Variants in ROBO1 observed in about 807,000 individuals in gnomAD.
ROBO1 encodes roundabout guidance receptor 1, also known as roundabout homolog 1.
ROBO1 carries 149 observed loss-of-function variants against 195.9 expected under a neutral mutation model. The ratio of observed to expected loss-of-function variants is 0.76; its 90% CI spans 0.67 to 0.87. The LOEUF (loss-of-function observed/expected upper bound fraction) is 0.87. Ranked by LOEUF, ROBO1 falls within the 40% of genes least tolerant of loss-of-function variation. The probability of loss-of-function intolerance (pLI) is 0.00; values close to 1 mark genes in which losing one functional copy is unlikely to be tolerated. For synonymous variants in ROBO1, 816 were observed against 733.2 expected, an observed-to-expected ratio of 1.11 and a Z score of -1.82; for missense variants, 1,933 against 2,068.3, an observed-to-expected ratio of 0.93 and a Z score of 1.27.
At chr3:79,250,737 C>T (rs1490677949) in intron 2 of ROBO1, among the ~76,000 whole-genome samples, 1 of 152,008 alleles carries the variant, frequency 6.6e-6, no homozygotes, top group Non-Finnish European at 1.5e-5. Context: ...TATATAAACC[C>T]TATGGAATAT....
intron 29 of ROBO1, 127 bp downstream of exon 29, chr3:78,606,606 C>T: frequency 1.2e-6 from 1 of 848,660 alleles, no homozygotes. Context: ...CGAGTACATG[C>T]CTATCTCCTC....
intron 2 of ROBO1, among the ~76,000 whole-genome samples, chr3:79,385,153 CT>C (rs71631646): frequency 0.092 from 13,982 of 152,046 alleles, 818 homozygotes; most frequent in South Asian, 0.13. Context: ...AATTTTCATT[CT>C]TTAGGAATTT....
intron 24 of ROBO1, among the ~76,000 whole-genome samples, chr3:78,631,737 G>A (rs1705202046): frequency 6.6e-6 from 1 of 152,076 alleles, no homozygotes; most frequent in Admixed American, 6.6e-5. Flanking sequence ...TATATAATTT[G>A]TACTTGTCCA....
chr3:79,417,480 T>A (rs1034276295), intron 2 of ROBO1, among the ~76,000 whole-genome samples: 1 of 152,172 alleles, frequency 6.6e-6, no homozygotes, highest in Non-Finnish European at 1.5e-5. Flanking sequence ...TCTAGATTCC[T>A]GATCCTCTAA....
At chr3:79,193,232 T>C (rs1183454383) in intron 2 of ROBO1, among the ~76,000 whole-genome samples, 4 of 151,664 alleles carry the variant, frequency 2.6e-5, no homozygotes, top group African/African-American at 9.7e-5. Flanking sequence ...AAATGTGAAG[T>C]TCAGATGAGA....
chr3:78,705,874 T>C (rs1388388810), intron 8 of ROBO1, among the ~76,000 whole-genome samples: 1 of 152,144 alleles, frequency 6.6e-6, no homozygotes, highest in Non-Finnish European at 1.5e-5. Flanking sequence ...TTCTTCACCT[T>C]GTAGATGGCA....
chr3:79,374,656 T>C (rs547169210), intron 2 of ROBO1, among the ~76,000 whole-genome samples: 9 of 152,310 alleles, frequency 5.9e-5, no homozygotes, highest in Middle Eastern at 6.8e-3. Flanking sequence ...TGACATTTGC[T>C]ACAAGCATTG....
intron 2 of ROBO1, among the ~76,000 whole-genome samples, chr3:79,420,027 G>T (rs1270611244): frequency 6.6e-6 from 1 of 152,076 alleles, no homozygotes; most frequent in Non-Finnish European, 1.5e-5. Flanking sequence ...AACAGAAAAT[G>T]AAGTCTTTTG....
chr3:79,748,328 TA>T (rs1234816832), intron 1 of ROBO1, among the ~76,000 whole-genome samples: 1 of 152,176 alleles, frequency 6.6e-6, no homozygotes, highest in Non-Finnish European at 1.5e-5. Flanking sequence ...CTGTTACAAA[TA>T]TTTTTAAATG....
chr3:78,943,386 A>T (rs551932210), intron 3 of ROBO1, among the ~76,000 whole-genome samples: 1 of 152,290 alleles, frequency 6.6e-6, no homozygotes, highest in East Asian at 1.9e-4. Flanking sequence ...CCTATAGCGA[A>T]ACCACAACCA....
At chr3:79,065,753 A>G (rs1377998356) in intron 3 of ROBO1, among the ~76,000 whole-genome samples, 13 of 151,958 alleles carry the variant, frequency 8.6e-5, no homozygotes, top group Non-Finnish European at 7.4e-5. Context: ...GATGACTAGG[A>G]AAAATTTATT....
At chr3:79,382,761 T>A (rs1443886765) in intron 2 of ROBO1, among the ~76,000 whole-genome samples, 1 of 152,156 alleles carries the variant, frequency 6.6e-6, no homozygotes, top group Non-Finnish European at 1.5e-5. Context: ...ACGATATCTA[T>A]TTCCTGAAAG....
chr3:78,725,769 A>G (rs575955964), intron 5 of ROBO1, among the ~76,000 whole-genome samples: 20 of 152,332 alleles, frequency 1.3e-4, no homozygotes, highest in Non-Finnish European at 2.8e-4. Context: ...CTTTTAAAAC[A>G]TAAATTCATA....
In ROBO1 at chr3:79,379,464, C is replaced by T. The variant is rs531953169; in HGVS notation, c.88+210360G>A. ...TCATCATGTCTGGTAGGCATTATCC[C>T]TTCAGGTCAGAACCAGAATGAAAAG... On this transcript the variant is annotated intron_variant, in intron 2 of 30. Transcript: ENST00000464233. 1.2e-4 allele frequency among the ~76,000 whole-genome samples: 19 copies of T among 152,240 alleles called. No homozygotes were observed. In the East Asian group the frequency reaches 3.3e-3, roughly 26 times the overall value.
At chr3:79,142,093 T>C (rs1441635207) in intron 2 of ROBO1, among the ~76,000 whole-genome samples, 1 of 152,104 alleles carries the variant, frequency 6.6e-6, no homozygotes, top group East Asian at 1.9e-4. Context: ...TTAATGGAAA[T>C]TGGCGAAACT....
At chr3:78,785,458 A>T (rs1210144901) in intron 4 of ROBO1, among the ~76,000 whole-genome samples, 1 of 152,150 alleles carries the variant, frequency 6.6e-6, no homozygotes, top group South Asian at 2.1e-4. Flanking sequence ...TCAAAACACT[A>T]AACTGTAGGC....
chr3:79,529,950 A>AAATTC (rs1448963376), intron 2 of ROBO1, among the ~76,000 whole-genome samples: 1 of 152,198 alleles, frequency 6.6e-6, no homozygotes, highest in Non-Finnish European at 1.5e-5. Context: ...TTCATAGAAC[A>AAATTC]AATTCTGTTG....
At chr3:79,257,917 A>G (rs1032569767) in intron 2 of ROBO1, among the ~76,000 whole-genome samples, 5 of 152,108 alleles carry the variant, frequency 3.3e-5, no homozygotes. Flanking sequence ...CCTGTGTCTT[A>G]TTGGAGTTTA....
intron 1 of ROBO1, among the ~76,000 whole-genome samples, chr3:79,635,624 C>T (rs772574245): frequency 6.6e-6 from 1 of 151,848 alleles, no homozygotes; most frequent in Non-Finnish European, 1.5e-5. Context: ...AGTTATTTTC[C>T]TTCACAATAT....
Sources: gnomAD v4.1 joint callset for allele counts (sites outside exome capture counted in the v4.1 genomes callset) on GRCh38, gnomAD v4.1.1 for gene constraint, MANE v1.5 for transcripts, NCBI Gene and HGNC (gene_info 2026-07-23, HGNC 2026-07-21) for gene names.